SEC63: variants seen among roughly 807,000 people sequenced by gnomAD.
SEC63 encodes the protein translocation protein SEC63 homolog.
In SEC63, 56 loss-of-function variants were observed where a neutral mutation model predicts 116.2. The observed-to-expected ratio is 0.48, with a 90% CI of 0.39 to 0.60. The LOEUF is 0.60. Among genes scored for constraint, SEC63 ranks in the 20% least tolerant of loss-of-function variants. The pLI, the probability that SEC63 is intolerant of heterozygous loss-of-function variation, is 0.00. For missense variants in SEC63, 668 were observed against 900.0 expected (o/e 0.74, Z 3.30); for synonymous variants, 273 against 294.6 (o/e 0.93, Z 0.75).
At chr6:107,953,734 G>A (rs1269257267) in intron 1 of SEC63, among the ~76,000 whole-genome samples, 8 of 144,010 alleles carry the variant, frequency 5.6e-5, no homozygotes, top group African/African-American at 1.5e-4. Context: ...CGCCCTGTCC[G>A]GGAGGGAGGT....
At chr6:107,876,520 G>A (rs1395945528) in intron 19 of SEC63, 44 bp downstream of exon 19, 1 of 1,112,246 alleles carries the variant, frequency 9.0e-7, no homozygotes, top group Non-Finnish European at 1.4e-6. Context: ...GATGGTGACA[G>A]CTGTGCCTTG....
chr6:107,889,669 T>C (rs1028917994), intron 16 of SEC63, among the ~76,000 whole-genome samples: 20 of 152,268 alleles, frequency 1.3e-4, no homozygotes, highest in Non-Finnish European at 1.8e-4. Context: ...TCTTTTGTGA[T>C]GTTAGGGTGT....
In SEC63 at chr6:107,879,930, T is replaced by C. The variant is rs924800296; in HGVS notation, c.1935+1219A>G. 2.0e-5 allele frequency among the ~76,000 whole-genome samples: 3 copies of C among 152,126 alleles called. No homozygotes were observed. The East Asian group carries it at 5.8e-4, about 29-fold the overall frequency. ...CTGAGGGAGTGAATGAATGTTTCTC[T>C]TATTAACTAAGCATGGTCTAAAATG... On this transcript the variant is annotated intron_variant, in intron 18 of 20. Coordinates refer to ENST00000369002, the MANE Select transcript of SEC63 (RefSeq NM_007214.5).
intron 1 of SEC63, among the ~76,000 whole-genome samples, chr6:107,953,988 G>A (rs573592131): frequency 2.0e-5 from 3 of 152,288 alleles, no homozygotes; most frequent in South Asian, 2.1e-4. Flanking sequence ...CATTGAGAAC[G>A]GGCCATGATG....
intron 4 of SEC63, among the ~76,000 whole-genome samples, chr6:107,918,927 T>C (rs1469412050): frequency 1.6e-5 from 2 of 127,630 alleles, no homozygotes; most frequent in South Asian, 2.5e-4. Context: ...TTTTTTTTTT[T>C]TGAGACAGAG....
chr6:107,872,520 T>G (rs1000617631), intron 20 of SEC63, among the ~76,000 whole-genome samples: 3 of 151,442 alleles, frequency 2.0e-5, no homozygotes, highest in African/African-American at 4.9e-5. Flanking sequence ...AAAAAGTGCC[T>G]TTCTAAAGAA....
At chr6:107,874,074 T>C (rs140107819) in intron 19 of SEC63, among the ~76,000 whole-genome samples, 13 of 152,106 alleles carry the variant, frequency 8.5e-5, no homozygotes, top group South Asian at 4.2e-4. Flanking sequence ...ACCTTTACAA[T>C]AGAGAAAAAC....
chr6:107,900,079 A>G (rs1212435628), intron 13 of SEC63, among the ~76,000 whole-genome samples: 2 of 152,198 alleles, frequency 1.3e-5, no homozygotes, highest in Admixed American at 6.5e-5. Flanking sequence ...AGTGCACAGC[A>G]TTCAATATTT....
At chr6:107,893,217 G>T (rs1786730415) in intron 16 of SEC63, among the ~76,000 whole-genome samples, 1 of 150,572 alleles carries the variant, frequency 6.6e-6, no homozygotes, top group Non-Finnish European at 1.5e-5. Context: ...CTGAATGAAA[G>T]GAGCCATACA....
intron 1 of SEC63, among the ~76,000 whole-genome samples, chr6:107,946,592 C>A (rs1176002252): frequency 6.6e-6 from 1 of 152,232 alleles, no homozygotes; most frequent in Non-Finnish European, 1.5e-5. Context: ...AAGTTCCCAA[C>A]TGCTTTCCTC....
At chr6:107,926,097 G>C (rs937901573) in intron 2 of SEC63, among the ~76,000 whole-genome samples, 1 of 151,940 alleles carries the variant, frequency 6.6e-6, no homozygotes, top group East Asian at 1.9e-4. Context: ...GAATTACAGG[G>C]GTGAGCGACT....
chr6:107,934,741 G>A lies in SEC63; in HGVS notation c.125-5227C>T, dbSNP rs1480652812. ...GGTGGGGGGGGTCAGCCCCCCGCCCGGCCAGCCACCCCGTCCGGGAGGTGA... is the reference window on the plus strand; with the variant it reads ...GGTGGGGGGGGTCAGCCCCCCGCCCAGCCAGCCACCCCGTCCGGGAGGTGA... On this transcript the variant is annotated intron_variant, in intron 1 of 20. Transcript: ENST00000369002. Among the ~76,000 whole-genome samples, 6 of 14,404 alleles carry A rather than the reference G, an allele frequency of 4.2e-4. 3 individuals carry two copies. The highest frequency in any genetic ancestry group is 7.8e-4 in the Non-Finnish European group (6 of 7,680). 9.4% of individuals were successfully genotyped at this position (14,404 alleles called of 152,430 possible). A position where few individuals can be genotyped will look rare whatever the true frequency, so the allele number is the denominator to read the frequency against.
intron 16 of SEC63, among the ~76,000 whole-genome samples, chr6:107,890,847 T>C (rs1042980577): frequency 1.3e-5 from 2 of 152,232 alleles, no homozygotes; most frequent in African/African-American, 2.4e-5. Flanking sequence ...TGGCTGGATA[T>C]TAAATTCTGG....
chr6:107,924,443 T>C (rs2114480429), intron 3 of SEC63, among the ~76,000 whole-genome samples: 1 of 149,520 alleles, frequency 6.7e-6, no homozygotes, highest in African/African-American at 2.5e-5. Flanking sequence ...ACAGGCGTGA[T>C]GGCGGGCGCC....
At chr6:107,946,969 A>T (rs753828971) in intron 1 of SEC63, among the ~76,000 whole-genome samples, 1 of 152,186 alleles carries the variant, frequency 6.6e-6, no homozygotes, top group East Asian at 1.9e-4. Flanking sequence ...ATGCCACTGC[A>T]CTCCAGCCTG....
At chr6:107,901,741 A>AT (rs938653495) in intron 12 of SEC63, among the ~76,000 whole-genome samples, 13 of 152,130 alleles carry the variant, frequency 8.5e-5, no homozygotes, top group African/African-American at 2.6e-4. Flanking sequence ...ATACAGGCTT[A>AT]TTTTTTTAAA....
chr6:107,893,712 TGTA>T, intron 15 of SEC63, 57 bp from the exon 16 acceptor site: 2 of 1,606,942 alleles, frequency 1.2e-6, no homozygotes, highest in Non-Finnish European at 1.7e-6. Flanking sequence ...AATTGAAGGT[TGTA>T]GTAATTTTTA....
intron 6 of SEC63, among the ~76,000 whole-genome samples, chr6:107,912,105 A>T (rs1016113853): frequency 7.9e-5 from 12 of 152,174 alleles, no homozygotes; most frequent in Admixed American, 7.2e-4. Flanking sequence ...ATTACAGACT[A>T]TGTGGATTTT....
intron 4 of SEC63, among the ~76,000 whole-genome samples, chr6:107,916,315 G>C (rs947279365): frequency 6.6e-6 from 1 of 152,192 alleles, no homozygotes; most frequent in African/African-American, 2.4e-5. Context: ...CAACTGCTAC[G>C]CAGAAAATGT....
Sources: gnomAD v4.1 joint callset for allele counts (sites outside exome capture counted in the v4.1 genomes callset) on GRCh38, gnomAD v4.1.1 for gene constraint, MANE v1.5 for transcripts, NCBI Gene and HGNC (gene_info 2026-07-23, HGNC 2026-07-21) for gene names.